The following RCAN3 variants were observed in gnomAD, a reference collection of about 807,000 sequenced individuals.
RCAN3 encodes calcipressin-3.
In RCAN3, 19 loss-of-function variants were observed where a neutral mutation model predicts 21.9. That is an observed-to-expected ratio of 0.87 (90% confidence interval 0.61 to 1.27). The LOEUF (loss-of-function observed/expected upper bound fraction) is 1.27. Among genes scored for constraint, RCAN3 ranks in the 50% most tolerant of loss-of-function variants. The pLI is 0.00. For synonymous variants in RCAN3, 114 were observed against 112.3 expected, an observed-to-expected ratio of 1.01 and a Z score of -0.09; for missense variants, 240 against 300.1, an observed-to-expected ratio of 0.80 and a Z score of 1.48.
At chr1:24,527,321 T>C (rs1402046277) in intron 2 of RCAN3, among the ~76,000 whole-genome samples, 1 of 152,168 alleles carries the variant, frequency 6.6e-6, no homozygotes, top group African/African-American at 2.4e-5. Flanking sequence ...TACTTTAATA[T>C]ATGGAAACAC....
chr1:24,517,005 C>G (rs541257088), intron 2 of RCAN3, among the ~76,000 whole-genome samples: 8 of 151,988 alleles, frequency 5.3e-5, no homozygotes, highest in African/African-American at 1.9e-4. Context: ...TGTAAAAAAC[C>G]AGATGAATTG....
chr1:24,528,883 G>T (rs1649503509), intron 2 of RCAN3, among the ~76,000 whole-genome samples: 1 of 152,160 alleles, frequency 6.6e-6, no homozygotes, highest in African/African-American at 2.4e-5. Flanking sequence ...CCAAACAGCT[G>T]CGCAAACACA....
intron 4 of RCAN3, among the ~76,000 whole-genome samples, chr1:24,533,676 T>C (rs1649982782): frequency 6.6e-6 from 1 of 152,160 alleles, no homozygotes; most frequent in Non-Finnish European, 1.5e-5. Context: ...GGCGTACGCC[T>C]ATAGTCCCAG....
In RCAN3 at chr1:24,531,332, C is replaced by A; in HGVS notation, c.310C>A (p.Arg104=). ...CAAACCTGAAGCGGCAGCAAGAGCG[C>A]GAATAGAACTCCACGAAACAGACTT... ...FSKPEAAARA[R]IELHETDFNG... is the part of the protein sequence containing the mutation. Residue 104 remains arginine, a synonymous_variant, in exon 3 of 5, where the codon CGA becomes AGA. Transcript: ENST00000374395. 1.2e-6 allele frequency: 2 copies of A among 1,613,702 alleles called. No homozygotes were observed. The highest frequency in any genetic ancestry group is 1.7e-6 in the Non-Finnish European group (2 of 1,179,842).
chr1:24,502,971 C>A lies in RCAN3; in HGVS notation c.-239C>A, dbSNP rs1647204450. ...GCGAGGCTGCTGCTGCAGGCGGCTC[C>A]CGGCTCTGCCTTCGGCCCCGCCCGC... On this transcript the variant is annotated 5_prime_UTR_variant, in exon 1 of 5. Coordinates refer to ENST00000374395, the MANE Select transcript of RCAN3 (RefSeq NM_013441.4). 1 of 149,782 alleles carries A rather than the reference C, an allele frequency of 6.7e-6. No homozygotes were observed. Among genetic ancestry groups the A allele is most frequent in the African/African-American group, 2.4e-5 (1 of 41,156 alleles). The allele number at this position is 149,782 out of a possible 1,614,324, so 9.3% of individuals were successfully genotyped here.
intron 4 of RCAN3, 149 bp from the exon 5 acceptor site, chr1:24,534,944 A>T: frequency 1.3e-6 from 1 of 744,276 alleles, no homozygotes; most frequent in Non-Finnish European, 2.1e-6. Flanking sequence ...CACCAAAACA[A>T]GATAAAATAC....
At chr1:24,510,084 A>C (rs1647754302) in intron 1 of RCAN3, among the ~76,000 whole-genome samples, 2 of 152,240 alleles carry the variant, frequency 1.3e-5, no homozygotes, top group Non-Finnish European at 2.9e-5. Context: ...TAAAACGTAC[A>C]GTAAACCATG....
rs774719138 is a variant in RCAN3 at position 24,531,246 on chromosome 1, A to G, written c.224A>G (p.Tyr75Cys). 5.6e-6 allele frequency: 9 copies of G among 1,606,692 alleles called. No individual in the cohort carries two copies. The highest frequency in any genetic ancestry group is 2.2e-5 in the East Asian group (1 of 44,792). The change falls in exon 3 of 5, where the codon TAT (tyrosine) becomes TGT (cysteine). Residue 75 changes from tyrosine to cysteine, a missense_variant. Tyr to Cys is a radical substitution (Grantham distance 194). Transcript: ENST00000374395. ...KERFEALFTI[Y>C]DDQVTFQLFK... ...AGATTTGAAGCACTCTTCACCATCT[A>G]TGATGACCAGGTTACTTTTCAGCTG...
chr1:24,532,935 T>C (rs902998593), intron 3 of RCAN3, 148 bp from the exon 4 acceptor site: 2 of 581,568 alleles, frequency 3.4e-6, no homozygotes, highest in Admixed American at 6.8e-5. Context: ...GGCGACAAAG[T>C]GAGACTCCGT....
intron 3 of RCAN3, among the ~76,000 whole-genome samples, chr1:24,532,540 T>C (rs1649849581): frequency 1.3e-5 from 2 of 151,536 alleles, no homozygotes; most frequent in Admixed American, 6.6e-5. Flanking sequence ...CCATTTATTT[T>C]TTATGCAGTT....
Position 24,533,237 on chromosome 1 carries a change from T to A in RCAN3, c.524T>A (p.Val175Asp), listed in dbSNP as rs1429574173. Reference sequence around the variant, plus strand: ...ATAAATTATGATTTACTCTGTGCTGTTTCCAAATTGGGACCAGGTAATAAA... The same window carrying A: ...ATAAATTATGATTTACTCTGTGCTGATTCCAAATTGGGACCAGGTAATAAA... ...PVINYDLLCA[V>D]SKLGPGEKYE... The change falls in exon 4 of 5, where the codon GTT becomes GAT. Residue 175 changes from valine (V) to aspartate (D), a missense_variant. Val to Asp is a radical substitution (Grantham distance 152, BLOSUM62 -3). Transcript: ENST00000374395. 6.4e-7 allele frequency: 1 copy of A among 1,559,242 alleles called. No homozygotes were observed. The highest frequency in any genetic ancestry group is 8.6e-7 in the Non-Finnish European group (1 of 1,158,082).
At chr1:24,510,958 G>T (rs2148893591) in intron 1 of RCAN3, among the ~76,000 whole-genome samples, 1 of 152,238 alleles carries the variant, frequency 6.6e-6, no homozygotes, top group East Asian at 1.9e-4. Context: ...CCCGAGGAGA[G>T]GGAGAGAGTC....
At chr1:24,532,150 A>G (rs1185345287) in intron 3 of RCAN3, among the ~76,000 whole-genome samples, 9 of 152,106 alleles carry the variant, frequency 5.9e-5, no homozygotes, top group Non-Finnish European at 1.3e-4. Context: ...ATATAACCTA[A>G]TGTCTTCTAA....
chr1:24,533,542 G>A (rs1649970500), intron 4 of RCAN3, among the ~76,000 whole-genome samples: 1 of 152,234 alleles, frequency 6.6e-6, no homozygotes, highest in Admixed American at 6.5e-5. Flanking sequence ...GCCCACGCCT[G>A]TAATCCTAGC....
chr1:24,534,166 A>G (rs1162385876), intron 4 of RCAN3, among the ~76,000 whole-genome samples: 2 of 152,228 alleles, frequency 1.3e-5, no homozygotes. Flanking sequence ...GGGGAATAAA[A>G]GAGGCATTTT....
intron 1 of RCAN3, among the ~76,000 whole-genome samples, chr1:24,511,199 G>C (rs1271103471): frequency 6.6e-6 from 1 of 152,158 alleles, no homozygotes; most frequent in South Asian, 2.1e-4. Flanking sequence ...TGTAGTCCCA[G>C]CTACTCGGGA....
At chr1:24,513,891 G>A (rs1242328738) in intron 1 of RCAN3, among the ~76,000 whole-genome samples, 1 of 152,220 alleles carries the variant, frequency 6.6e-6, no homozygotes, top group African/African-American at 2.4e-5. Flanking sequence ...CAGATGGTGA[G>A]AGAATTAGTG....
intron 2 of RCAN3, among the ~76,000 whole-genome samples, chr1:24,518,972 C>T (rs532312430): frequency 2.7e-3 from 417 of 152,182 alleles, no homozygotes; most frequent in African/African-American, 9.4e-3. Context: ...GACAGGGTTT[C>T]ACCCTGTTGG....
At chr1:24,505,323 T>C (rs1557561949) in intron 1 of RCAN3, among the ~76,000 whole-genome samples, 1 of 142,018 alleles carries the variant, frequency 7.0e-6, no homozygotes, top group Non-Finnish European at 1.5e-5. Context: ...CACTGCAGCC[T>C]TGGCCTCCCA....
Sources: gnomAD v4.1 joint callset for allele counts (sites outside exome capture counted in the v4.1 genomes callset) on GRCh38, gnomAD v4.1.1 for gene constraint, MANE v1.5 for transcripts, NCBI Gene and HGNC (gene_info 2026-07-23, HGNC 2026-07-21) for gene names.